PCDH15: variants seen among roughly 807,000 people sequenced by gnomAD.
PCDH15 encodes the protein protocadherin-15.
PCDH15 carries 129 observed loss-of-function variants against 178.5 expected under a neutral mutation model. That is an observed-to-expected ratio of 0.72 (90% CI 0.63 to 0.84). The LOEUF is 0.84. PCDH15 is among the 40% of genes least tolerant of loss of function. The pLI is 0.00. For missense variants in PCDH15, 2,230 were observed against 2,099.9 expected, an observed-to-expected ratio of 1.06 and a Z score of -1.21; for synonymous variants, 800 against 732.0, an observed-to-expected ratio of 1.09 and a Z score of -1.50.
chr10:54,024,934 AAT>A (rs1306046706), intron 18 of PCDH15, among the ~76,000 whole-genome samples: 1 of 152,128 alleles, frequency 6.6e-6, no homozygotes, highest in African/African-American at 2.4e-5. Context: ...ACAAAATATA[AAT>A]ATGTTTTGTT....
At chr10:53,810,104 T>C (rs1032490484) in intron 37 of PCDH15, among the ~76,000 whole-genome samples, 1 of 149,224 alleles carries the variant, frequency 6.7e-6, no homozygotes, top group African/African-American at 2.5e-5. Flanking sequence ...CATGCTAATT[T>C]AAACATAAAT....
intron 1 of PCDH15, among the ~76,000 whole-genome samples, chr10:54,665,183 T>C (rs2094551038): frequency 6.6e-6 from 1 of 151,796 alleles, no homozygotes; most frequent in South Asian, 2.1e-4. Flanking sequence ...ACAATAGTGA[T>C]GGTAGAGGCT....
intron 25 of PCDH15, among the ~76,000 whole-genome samples, chr10:53,935,914 A>G (rs1217972782): frequency 6.6e-6 from 1 of 152,182 alleles, no homozygotes; most frequent in Non-Finnish European, 1.5e-5. Context: ...GGTGGTTGCT[A>G]CTATCTATAT....
At chr10:54,180,033 T>A (rs554228319) in intron 13 of PCDH15, among the ~76,000 whole-genome samples, 1 of 152,346 alleles carries the variant, frequency 6.6e-6, no homozygotes, top group African/African-American at 2.4e-5. Flanking sequence ...ACGATTGCAT[T>A]GACATCTGAT....
chr10:55,580,962 T>C (rs561327869), intron 2 of PCDH15, among the ~76,000 whole-genome samples: 2 of 152,282 alleles, frequency 1.3e-5, no homozygotes, highest in African/African-American at 4.8e-5. Context: ...CCTTTTTCCT[T>C]TTCCTCTATG....
intron 1 of PCDH15, among the ~76,000 whole-genome samples, chr10:55,277,470 AC>A (rs1340143123): frequency 1.3e-5 from 2 of 152,216 alleles, no homozygotes; most frequent in East Asian, 1.9e-4. Context: ...GTAAATACTT[AC>A]AAAAATTTTT....
intron 3 of PCDH15, among the ~76,000 whole-genome samples, chr10:54,407,454 T>G (rs1388248685): frequency 6.6e-6 from 1 of 152,120 alleles, no homozygotes; most frequent in Admixed American, 6.6e-5. Flanking sequence ...AATATTATCA[T>G]TTTTTAATCT....
chr10:53,962,924 A>G (rs905916259), intron 21 of PCDH15, among the ~76,000 whole-genome samples: 3 of 152,206 alleles, frequency 2.0e-5, no homozygotes, highest in African/African-American at 7.2e-5. Flanking sequence ...CTTAAAACCT[A>G]GAAGTCAAAT....
At chr10:54,183,672 A>G (rs2048222626) in intron 12 of PCDH15, 79 bp from the exon 13 acceptor site, 1 of 1,537,024 alleles carries the variant, frequency 6.5e-7, no homozygotes, top group Non-Finnish European at 8.9e-7. Context: ...ACAGTTTAAC[A>G]AGTTTCTTAC....
intron 2 of PCDH15, among the ~76,000 whole-genome samples, chr10:54,556,633 T>C (rs2087306054): frequency 6.7e-6 from 1 of 149,832 alleles, no homozygotes; most frequent in Admixed American, 6.8e-5. Context: ...AGACTTTTTT[T>C]TTTTCGGCTG....
At chr10:55,622,048 TAAATTG>T (rs1837404606) in intron 2 of PCDH15, among the ~76,000 whole-genome samples, 1 of 141,598 alleles carries the variant, frequency 7.1e-6, no homozygotes, top group Admixed American at 7.4e-5. Context: ...AATATATATA[TAAATTG>T]TATATATAAT....
chr10:54,786,295 C>T (rs12571150), intron 1 of PCDH15, among the ~76,000 whole-genome samples: 40,320 of 151,854 alleles, frequency 0.27, 5,733 homozygotes, highest in African/African-American at 0.38. Flanking sequence ...ATATGACATA[C>T]ATAATCAGCA....
Position 54,638,591 on chromosome 10 carries a change from TG to T in PCDH15, c.91+25580del, listed in dbSNP as rs1485059427. ...GTGCCTGGCTTCCATTTTTTACACT[TG>T]TCAACTAGCCTATCTTTTATTATTT... On this transcript the variant is annotated intron_variant, in intron 2 of 37. Transcript: ENST00000644397. 6.6e-5 allele frequency among the ~76,000 whole-genome samples: 10 copies of T among 152,264 alleles called. No individual in the cohort carries two copies. The East Asian group carries it at 1.7e-3, about 26-fold the overall frequency.
intron 6 of PCDH15, among the ~76,000 whole-genome samples, chr10:54,345,025 G>A (rs941314718): frequency 2.0e-5 from 3 of 147,496 alleles, no homozygotes; most frequent in Admixed American, 6.9e-5. Flanking sequence ...TTTTAACACA[G>A]CCAGTACAAG....
rs148260453 is a variant in PCDH15 at position 54,733,615 on chromosome 10, A to G, written c.-29+67310T>C. ...ACCAAAAAACTGATTATAAGTTTACATAGAAAAGGAAAATAATTATAATAT... is the reference window on the plus strand; with the variant it reads ...ACCAAAAAACTGATTATAAGTTTACGTAGAAAAGGAAAATAATTATAATAT... On this transcript the variant is annotated intron_variant, in intron 1 of 37. Transcript: ENST00000644397. Among the ~76,000 whole-genome samples the G allele has an allele frequency of 3.1e-3, 468 of 151,770 alleles. 1 individual carries two copies. Among genetic ancestry groups the G allele is most frequent in the African/African-American group, 0.01 (432 of 41,524 alleles).
intron 1 of PCDH15, among the ~76,000 whole-genome samples, chr10:54,748,890 T>G (rs7909226): frequency 0.76 from 116,026 of 152,086 alleles, 44,792 homozygotes; most frequent in Non-Finnish European, 0.83. Flanking sequence ...GTTGCTCCCT[T>G]GCCCTGGCAG....
chr10:53,816,052 T>G (rs1388491593), intron 35 of PCDH15, among the ~76,000 whole-genome samples, 187 bp downstream of exon 35: 2 of 152,176 alleles, frequency 1.3e-5, no homozygotes, highest in East Asian at 3.9e-4. Flanking sequence ...GAAGTTGAGC[T>G]ACCAGCAACT....
chr10:54,371,836 A>G (rs552768503), intron 4 of PCDH15, among the ~76,000 whole-genome samples: 34 of 152,028 alleles, frequency 2.2e-4, no homozygotes, highest in Admixed American at 2.0e-3. Context: ...TGATGCTTCA[A>G]TTTCTTTTTT....
chr10:54,860,975 A>C (rs557372473), intron 3 of PCDH15, among the ~76,000 whole-genome samples: 1 of 152,256 alleles, frequency 6.6e-6, no homozygotes, highest in South Asian at 2.1e-4. Context: ...GTTTTAATTT[A>C]AGTGCTCTGT....
Sources: allele counts gnomAD v4.1 joint callset (sites outside exome capture counted in the v4.1 genomes callset), GRCh38; gene constraint gnomAD v4.1.1; transcripts MANE v1.5; gene names NCBI Gene and HGNC (gene_info 2026-07-23, HGNC 2026-07-21).